The following MME variants were observed in gnomAD, a reference collection of about 807,000 sequenced individuals.
The protein encoded by MME is neprilysin.
In MME, 98 loss-of-function variants were observed where a neutral mutation model predicts 113.2. That is an observed-to-expected ratio of 0.87 (90% CI 0.74 to 1.02). The LOEUF is 1.02. Ranked by LOEUF, MME falls within the 50% of genes least tolerant of loss-of-function variation. The pLI, the probability that MME is intolerant of heterozygous loss-of-function variation, is 0.00. For missense variants in MME, 836 were observed against 896.0 expected (o/e 0.93, Z 0.86); for synonymous variants, 292 against 300.6 (o/e 0.97, Z 0.30).
intron 1 of MME, among the ~76,000 whole-genome samples, chr3:155,049,141 T>C (rs754994532): frequency 4.6e-5 from 7 of 152,114 alleles, no homozygotes; most frequent in Non-Finnish European, 8.8e-5. Flanking sequence ...CTCATGTATG[T>C]ATAGTGAATT....
intron 3 of MME, among the ~76,000 whole-genome samples, chr3:155,100,278 G>T (rs1389477597): frequency 6.6e-6 from 1 of 152,196 alleles, no homozygotes; most frequent in Non-Finnish European, 1.5e-5. Flanking sequence ...AGACATTTAT[G>T]CATCCGACAG....
At chr3:155,140,410 C>CTTT (rs35653282) in intron 10 of MME, 118 bp downstream of exon 10, 1,774 of 287,716 alleles carry the variant, frequency 6.2e-3, no homozygotes, top group Middle Eastern at 9.1e-3. Context: ...ACTTCAATTC[C>CTTT]TTTTTTTTTT....
chr3:155,167,022 G>A lies in MME; in HGVS notation c.1780+1G>A. The A allele has an allele frequency of 6.2e-7, 1 of 1,613,430 alleles. No individual in the cohort carries two copies. The highest frequency in any genetic ancestry group is 2.2e-5 in the East Asian group (1 of 44,810). ...ATCACCCATGGCTTCGATGACAATG[G>A]TAAAGTGCAGTTGACATTTTCCTTT... is the stretch of plus-strand genomic sequence containing the variant. On this transcript the variant is annotated splice_donor_variant, in intron 18 of 22. Coordinates refer to ENST00000360490, the MANE Select transcript of MME (RefSeq NM_007289.4). LOFTEE classifies it high-confidence loss of function.
intron 1 of MME, among the ~76,000 whole-genome samples, chr3:155,060,673 C>A (rs754783516): frequency 2.0e-5 from 3 of 151,934 alleles, no homozygotes; most frequent in Admixed American, 6.6e-5. Flanking sequence ...AGAATTGCCG[C>A]AATAAATATT....
chr3:155,143,316 T>C, intron 12 of MME, 127 bp from the exon 13 acceptor site: 1 of 1,077,728 alleles, frequency 9.3e-7, no homozygotes, highest in Non-Finnish European at 1.4e-6. Context: ...GCTAGGAACA[T>C]GGGCCTTGTG....
At chr3:155,111,197 G>A (rs989199346) in intron 3 of MME, among the ~76,000 whole-genome samples, 3 of 152,192 alleles carry the variant, frequency 2.0e-5, no homozygotes, top group Admixed American at 2.0e-4. Context: ...CAGCACAGAG[G>A]AGGTCCAGAG....
intron 22 of MME, among the ~76,000 whole-genome samples, chr3:155,179,957 C>T (rs959088602): frequency 6.6e-6 from 1 of 152,136 alleles, no homozygotes; most frequent in African/African-American, 2.4e-5. Context: ...TATTCTTTGA[C>T]CAAACTCTTA....
intron 3 of MME, among the ~76,000 whole-genome samples, chr3:155,087,249 GTT>G (rs71624557): frequency 0.15 from 18,167 of 120,846 alleles, 1,513 homozygotes; most frequent in African/African-American, 0.31. Context: ...GTGCCCTTTG[GTT>G]TTTTTTTTTT....
chr3:155,134,700 T>G (rs957076061), intron 8 of MME, among the ~76,000 whole-genome samples: 6 of 152,172 alleles, frequency 3.9e-5, no homozygotes, highest in African/African-American at 1.4e-4. Flanking sequence ...TTAAGTTCTT[T>G]GAGAAATCTC....
chr3:155,074,266 T>C (rs553628796), intron 1 of MME, among the ~76,000 whole-genome samples: 2 of 152,302 alleles, frequency 1.3e-5, no homozygotes, highest in South Asian at 4.1e-4. Context: ...GCTTTTTCAC[T>C]CCAAAATAAA....
chr3:155,065,241 C>T (rs973368426), intron 1 of MME, among the ~76,000 whole-genome samples: 5 of 152,102 alleles, frequency 3.3e-5, no homozygotes, highest in African/African-American at 1.2e-4. Flanking sequence ...CCACTTTGGA[C>T]ATTCTTTCAT....
chr3:155,167,380 A>G (rs1723180552), intron 18 of MME, among the ~76,000 whole-genome samples: 1 of 152,110 alleles, frequency 6.6e-6, no homozygotes. Context: ...TTAAAATCAG[A>G]TGTAAAATCA....
At chr3:155,149,163 T>A (rs1350540159) in intron 16 of MME, among the ~76,000 whole-genome samples, 1 of 152,202 alleles carries the variant, frequency 6.6e-6, no homozygotes, top group African/African-American at 2.4e-5. Context: ...CTTCTTATGC[T>A]CTTAATCTCT....
intron 9 of MME, 60 bp downstream of exon 9, chr3:155,138,296 C>G: frequency 6.5e-7 from 1 of 1,540,624 alleles, no homozygotes; most frequent in African/African-American, 1.4e-5. Context: ...TTTCTTTCCC[C>G]TCTCTATCAT....
chr3:155,177,670 A>G lies in MME; in HGVS notation c.2154-2690A>G, dbSNP rs111672440. Among the ~76,000 whole-genome samples, 506 of 152,226 alleles carry G rather than the reference A, an allele frequency of 3.3e-3. 2 individuals are homozygous for G. Among genetic ancestry groups the G allele is most frequent in the Non-Finnish European group, 5.4e-3 (364 of 68,016 alleles). On this transcript the variant is annotated intron_variant, in intron 22 of 22. Coordinates refer to ENST00000360490, the MANE Select transcript of MME (RefSeq NM_007289.4). Reference sequence around the variant, plus strand: ...TGCAGACTTCTCCTTGTACTCTCACATGGTCCAAATAGTGAATTTGTTTTT... The same window carrying G: ...TGCAGACTTCTCCTTGTACTCTCACGTGGTCCAAATAGTGAATTTGTTTTT...
chr3:155,090,444 T>G (rs984082905), intron 3 of MME: 2 of 152,178 alleles, frequency 1.3e-5, no homozygotes, highest in Non-Finnish European at 2.9e-5. Context: ...TGATAAAGTT[T>G]AATTTATAAA....
At chr3:155,176,141 A>C (rs1712497055) in intron 22 of MME, among the ~76,000 whole-genome samples, 1 of 152,196 alleles carries the variant, frequency 6.6e-6, no homozygotes, top group African/African-American at 2.4e-5. Flanking sequence ...AAGAATTAAC[A>C]AAAGGTTGTC....
upstream of MME, among the ~76,000 whole-genome samples, chr3:155,075,709 G>T (rs879040641): frequency 1.3e-5 from 2 of 151,774 alleles, no homozygotes; most frequent in Non-Finnish European, 2.9e-5. Flanking sequence ...TATTTATTTA[G>T]CCAGGGTCTC....
At chr3:155,029,004 G>A (rs556608238) in intron 1 of MME, among the ~76,000 whole-genome samples, 1 of 152,176 alleles carries the variant, frequency 6.6e-6, no homozygotes, top group East Asian at 1.9e-4. Context: ...ATCATGTAAA[G>A]GTTTCACAAA....
Sources: allele counts gnomAD v4.1 joint callset (sites outside exome capture counted in the v4.1 genomes callset), GRCh38; gene constraint gnomAD v4.1.1; transcripts MANE v1.5; gene names NCBI Gene and HGNC (gene_info 2026-07-23, HGNC 2026-07-21).